The following NCOA1 variants were observed in gnomAD, a reference collection of about 807,000 sequenced individuals.
NCOA1 encodes the protein nuclear receptor coactivator 1.
NCOA1 carries 35 observed loss-of-function variants against 150.9 expected under a neutral mutation model. That is an observed-to-expected ratio of 0.23 (90% CI 0.18 to 0.31). NCOA1 has a LOEUF of 0.31. Among genes scored for constraint, NCOA1 ranks in the 10% least tolerant of loss-of-function variants. NCOA1 has a pLI of 1.00. For missense variants in NCOA1, 1,491 were observed against 1,749.3 expected (o/e 0.85, Z 2.63); for synonymous variants, 590 against 630.0 (o/e 0.94, Z 0.95).
chr2:24,599,402 C>T (rs1315991150), intron 3 of NCOA1, among the ~76,000 whole-genome samples: 1 of 152,122 alleles, frequency 6.6e-6, no homozygotes, highest in East Asian at 1.9e-4. Context: ...TCAGATATAT[C>T]ACATAAATGG....
In NCOA1 at chr2:24,691,589, C is replaced by G. The variant is rs770026252; in HGVS notation, c.641C>G (p.Ala214Gly). ...PDEPGTENQEACQRYEVMQCF... is the reference protein window; with the variant it reads ...PDEPGTENQEGCQRYEVMQCF... ...GAGCCAGGGACCGAGAACCAAGAAG[C>G]TTGCCAGCGTTATGAAGTAATGCAG... is the stretch of plus-strand genomic sequence containing the variant. The change falls in exon 9 of 23, where the codon GCT becomes GGT. Residue 214 changes from alanine to glycine, a missense_variant. Transcript: ENST00000348332. 6.2e-7 allele frequency: 1 copy of G among 1,614,182 alleles called. No homozygotes were observed. Among genetic ancestry groups the G allele is most frequent in the East Asian group, 2.2e-5 (1 of 44,882 alleles).
intron 3 of NCOA1, among the ~76,000 whole-genome samples, chr2:24,635,876 A>G (rs889654747): frequency 6.6e-6 from 1 of 152,188 alleles, no homozygotes; most frequent in Non-Finnish European, 1.5e-5. Context: ...AAGTCAAGGA[A>G]AGAAAAAAAT....
At chr2:24,587,702 G>T (rs1189665429) in intron 3 of NCOA1, among the ~76,000 whole-genome samples, 2 of 151,792 alleles carry the variant, frequency 1.3e-5, no homozygotes, top group African/African-American at 2.4e-5. Context: ...ACACTTTATT[G>T]CCTCTCTTGG....
rs3214693 is a variant in NCOA1, at chr2:24,707,929, A to AT, written c.2418+51dup. On this transcript the variant is annotated intron_variant, in intron 13 of 22. Coordinates refer to ENST00000348332, the MANE Select transcript of NCOA1 (RefSeq NM_003743.5). ...CTTCACAGAATGGTCATTCTTAGTA[A>AT]TTTTTTTTTTCATTTATTCTATTCC... The AT allele has an allele frequency of 2.8e-3, 4,203 of 1,485,476 alleles. 25 individuals carry two copies. In the African/African-American group the frequency reaches 0.031, roughly 11 times the overall value. 92.0% of individuals were successfully genotyped at this position (1,485,476 alleles called of 1,614,324 possible). A position where few individuals can be genotyped will look rare whatever the true frequency, so the allele number is the denominator to read the frequency against.
chr2:24,555,078 A>G (rs1271548451), intron 1 of NCOA1, among the ~76,000 whole-genome samples: 1 of 152,164 alleles, frequency 6.6e-6, no homozygotes, highest in Non-Finnish European at 1.5e-5. Context: ...AAAGAAAAAG[A>G]AAGGAAAACA....
chr2:24,663,039 C>T (rs967383842), intron 5 of NCOA1, among the ~76,000 whole-genome samples: 1 of 151,592 alleles, frequency 6.6e-6, no homozygotes, highest in East Asian at 1.9e-4. Flanking sequence ...AAGCAATCCT[C>T]CTGCCTCTGT....
chr2:24,624,481 T>C (rs1669312950), intron 3 of NCOA1, among the ~76,000 whole-genome samples: 1 of 152,226 alleles, frequency 6.6e-6, no homozygotes, highest in Non-Finnish European at 1.5e-5. Flanking sequence ...ACAAAAAGTT[T>C]TCAATGTATG....
intron 19 of NCOA1, among the ~76,000 whole-genome samples, chr2:24,747,386 G>A (rs1663986820): frequency 7.0e-6 from 1 of 143,594 alleles, no homozygotes; most frequent in South Asian, 2.2e-4. Flanking sequence ...TTGCCCAGGA[G>A]TGGCGTGATC....
intron 17 of NCOA1, among the ~76,000 whole-genome samples, chr2:24,731,277 C>G (rs1044709278): frequency 2.0e-5 from 3 of 152,144 alleles, no homozygotes; most frequent in African/African-American, 7.2e-5. Context: ...TTTCAAGTCC[C>G]AGTTCCAAAC....
intron 1 of NCOA1, among the ~76,000 whole-genome samples, chr2:24,504,780 T>C (rs1441902674): frequency 6.6e-6 from 1 of 152,140 alleles, no homozygotes; most frequent in Non-Finnish European, 1.5e-5. Flanking sequence ...ATCCAGGACT[T>C]TCCTACATAT....
intron 3 of NCOA1, among the ~76,000 whole-genome samples, chr2:24,630,962 G>T (rs1669682292): frequency 6.6e-6 from 1 of 152,040 alleles, no homozygotes; most frequent in South Asian, 2.1e-4. Flanking sequence ...AATATGGATG[G>T]TTTGATTTCA....
At chr2:24,761,250 T>C (rs978210742) in intron 21 of NCOA1, among the ~76,000 whole-genome samples, 1 of 152,238 alleles carries the variant, frequency 6.6e-6, no homozygotes, top group Non-Finnish European at 1.5e-5. Flanking sequence ...GCACTTGAAA[T>C]TGTCTCACAT....
chr2:24,733,713 C>T (rs1663138981), intron 17 of NCOA1, among the ~76,000 whole-genome samples: 1 of 151,942 alleles, frequency 6.6e-6, no homozygotes, highest in Non-Finnish European at 1.5e-5. Context: ...CACTGCACTC[C>T]ACCCTGAGTG....
intron 11 of NCOA1, among the ~76,000 whole-genome samples, chr2:24,702,026 T>A (rs1048860552): frequency 3.3e-5 from 5 of 151,976 alleles, no homozygotes; most frequent in Admixed American, 1.3e-4. Flanking sequence ...AGAAAAAAAA[T>A]ATATCATGAG....
intron 1 of NCOA1, among the ~76,000 whole-genome samples, chr2:24,519,140 A>G (rs1333654728): frequency 6.6e-6 from 1 of 152,238 alleles, no homozygotes; most frequent in Non-Finnish European, 1.5e-5. Context: ...GATTGATGGA[A>G]CAGAATAGAA....
At chr2:24,728,996 C>T (rs138046003) in intron 16 of NCOA1, among the ~76,000 whole-genome samples, 2,963 of 152,320 alleles carry the variant, frequency 0.019, 251 homozygotes, top group Admixed American at 0.16. Context: ...CAAGCACACG[C>T]GCACGCGCGC....
At chr2:24,676,565 G>C (rs558688028) in intron 7 of NCOA1, 2 of 153,180 alleles carry the variant, frequency 1.3e-5, no homozygotes, top group Non-Finnish European at 2.9e-5. Context: ...CAAAAAGCCA[G>C]AGTGTTTTCT....
chr2:24,760,306 ATTTTTTTTTTTTT>A (rs70947842), intron 21 of NCOA1, among the ~76,000 whole-genome samples: 1 of 99,740 alleles, frequency 1.0e-5, no homozygotes, highest in African/African-American at 3.8e-5. Context: ...TGCCCGGCTA[ATTTTTTTTTTTTT>A]TTTTTTTTTT....
chr2:24,613,567 C>T (rs1668736061), intron 3 of NCOA1, among the ~76,000 whole-genome samples: 1 of 152,198 alleles, frequency 6.6e-6, no homozygotes, highest in South Asian at 2.1e-4. Context: ...GGGGTGGAGG[C>T]CTGAACTCTT....
Sources: gnomAD v4.1 joint callset for allele counts (sites outside exome capture counted in the v4.1 genomes callset) on GRCh38, gnomAD v4.1.1 for gene constraint, MANE v1.5 for transcripts, NCBI Gene and HGNC (gene_info 2026-07-23, HGNC 2026-07-21) for gene names.